ZNF730: variants seen among roughly 807,000 people sequenced by gnomAD.
ZNF730 encodes the protein putative zinc finger protein 730.
In ZNF730, 12 loss-of-function variants were observed where a neutral mutation model predicts 12.6. The ratio of observed to expected loss-of-function variants is 0.95; its 90% CI spans 0.61 to 1.54. ZNF730 has a LOEUF of 1.54. Among genes scored for constraint, ZNF730 ranks in the 40% most tolerant of loss-of-function variants. The pLI, the probability that ZNF730 is intolerant of heterozygous loss-of-function variation, is 0.00. For synonymous variants in ZNF730, 194 were observed against 195.8 expected (o/e 0.99, Z 0.08); for missense variants, 643 against 583.5 (o/e 1.10, Z -1.05).
At chr19:23,124,831 G>C (rs549943065) in intron 1 of ZNF730, among the ~76,000 whole-genome samples, 1 of 152,146 alleles carries the variant, frequency 6.6e-6, no homozygotes, top group African/African-American at 2.4e-5. Context: ...TAGAAAAATA[G>C]GTAGAGCAGT....
intron 3 of ZNF730, chr19:23,144,305 G>A (rs1416208621): frequency 2.0e-5 from 3 of 152,004 alleles, no homozygotes; most frequent in Non-Finnish European, 4.4e-5. Flanking sequence ...AAAAGCAATC[G>A]TTTTGGCTAG....
At chr19:23,110,031 A>G (rs182745182) in intron 1 of ZNF730, among the ~76,000 whole-genome samples, 1 of 149,084 alleles carries the variant, frequency 6.7e-6, no homozygotes, top group Admixed American at 6.7e-5. Flanking sequence ...CAGTGGTGTG[A>G]TCTTGGCTCA....
At chr19:23,091,641 A>G (rs561284476) in intron 1 of ZNF730, among the ~76,000 whole-genome samples, 2 of 152,330 alleles carry the variant, frequency 1.3e-5, no homozygotes, top group South Asian at 4.1e-4. Flanking sequence ...GAGCTTTAAA[A>G]TTTGACTGCC....
chr19:23,145,156 C>G (rs1970983738), intron 3 of ZNF730, 115 bp from the exon 4 acceptor site: 2 of 681,468 alleles, frequency 2.9e-6, no homozygotes, highest in Admixed American at 3.7e-5. Context: ...AAATTAGGGC[C>G]TGTGGTATTT....
chr19:23,128,019 GA>G, intron 1 of ZNF730: 1 of 751,268 alleles, frequency 1.3e-6, no homozygotes, highest in South Asian at 1.3e-5. Flanking sequence ...GCATGGACAA[GA>G]TCTGTGAAGG....
chr19:23,136,053 A>G lies in ZNF730; in HGVS notation c.226+10A>G. On this transcript the variant is annotated intron_variant, in intron 3 of 3. Coordinates refer to ENST00000597761, the MANE Select transcript of ZNF730 (RefSeq NM_001277403.2). ...GTAGCCAAACCCCCAGGTAGGTGAC[A>G]GTAAATACAATACACAAAACTGATA... 1 of 1,575,406 alleles carries G rather than the reference A, an allele frequency of 6.3e-7. No homozygotes were observed. The highest frequency in any genetic ancestry group is 1.4e-5 in the African/African-American group (1 of 73,286).
intron 1 of ZNF730, among the ~76,000 whole-genome samples, chr19:23,125,264 G>A (rs945105663): frequency 6.6e-6 from 1 of 152,100 alleles, no homozygotes; most frequent in Non-Finnish European, 1.5e-5. Flanking sequence ...CAGTAGAGCC[G>A]GGCATTGATG....
At chr19:23,107,955 C>A (rs1474466040) in intron 1 of ZNF730, among the ~76,000 whole-genome samples, 1 of 151,770 alleles carries the variant, frequency 6.6e-6, no homozygotes, top group African/African-American at 2.4e-5. Context: ...AGAAAATGTC[C>A]CCTCACAGCA....
chr19:23,076,686 C>G (rs980554585), intron 1 of ZNF730, among the ~76,000 whole-genome samples: 4 of 152,142 alleles, frequency 2.6e-5, no homozygotes, highest in African/African-American at 7.2e-5. Context: ...TAAAAAGCTA[C>G]CTCTTAGAAC....
intron 1 of ZNF730, among the ~76,000 whole-genome samples, chr19:23,076,713 T>G (rs1238963308): frequency 6.6e-6 from 1 of 152,144 alleles, no homozygotes; most frequent in Non-Finnish European, 1.5e-5. Flanking sequence ...ATTTTTTTGG[T>G]CAAAGGAATG....
chr19:23,078,810 CT>C (rs200451052), intron 1 of ZNF730, among the ~76,000 whole-genome samples: 127 of 146,876 alleles, frequency 8.6e-4, no homozygotes, highest in Non-Finnish European at 8.5e-4. Flanking sequence ...AGACAATTAT[CT>C]TTTTTTTTTT....
upstream of ZNF730, among the ~76,000 whole-genome samples, chr19:23,115,930 G>C (rs374873275): frequency 6.6e-6 from 1 of 152,200 alleles, no homozygotes; most frequent in East Asian, 1.9e-4. Context: ...TTGATTACTA[G>C]TTACCTTCTA....
intron 1 of ZNF730, 46 bp from the exon 2 acceptor site, chr19:23,134,034 G>T (rs746233911): frequency 6.2e-7 from 1 of 1,607,946 alleles, no homozygotes. Flanking sequence ...TTAAAATTCT[G>T]CCCAGGGGCA....
intron 1 of ZNF730, among the ~76,000 whole-genome samples, chr19:23,079,197 G>T (rs964847158): frequency 2.8e-4 from 43 of 152,146 alleles, no homozygotes; most frequent in Non-Finnish European, 5.0e-4. Context: ...TGCTCTTGTT[G>T]CCCAGGGTAG....
upstream of ZNF730, among the ~76,000 whole-genome samples, chr19:23,112,508 G>C (rs1970471496): frequency 6.6e-6 from 1 of 152,102 alleles, no homozygotes; most frequent in Non-Finnish European, 1.5e-5. Context: ...CAGATCATGA[G>C]GTCAGGAGTT....
upstream of ZNF730, among the ~76,000 whole-genome samples, chr19:23,112,679 C>T (rs1388402925): frequency 1.3e-5 from 2 of 151,332 alleles, no homozygotes; most frequent in African/African-American, 2.4e-5. Context: ...GCTGAAATCG[C>T]GCCACTACCC....
intron 1 of ZNF730, among the ~76,000 whole-genome samples, chr19:23,086,061 T>G (rs1471365512): frequency 6.6e-6 from 1 of 152,062 alleles, no homozygotes; most frequent in Non-Finnish European, 1.5e-5. Flanking sequence ...GCCAGGCTGG[T>G]CTGGAATTCC....
chr19:23,142,380 A>G (rs1345226149), intron 3 of ZNF730, among the ~76,000 whole-genome samples: 3 of 146,716 alleles, frequency 2.0e-5, no homozygotes, highest in African/African-American at 5.0e-5. Flanking sequence ...TAATAAATCT[A>G]TTTATTGAAA....
intron 1 of ZNF730, chr19:23,128,502 G>A (rs919801650): frequency 2.7e-5 from 8 of 294,014 alleles, no homozygotes; most frequent in African/African-American, 1.5e-4. Flanking sequence ...TCAAAAGAAG[G>A]CAAGCTTCCT....
Sources: allele counts gnomAD v4.1 joint callset (sites outside exome capture counted in the v4.1 genomes callset), GRCh38; gene constraint gnomAD v4.1.1; transcripts MANE v1.5; gene names NCBI Gene and HGNC (gene_info 2026-07-23, HGNC 2026-07-21).